The following GALK2 variants were observed in gnomAD, a reference collection of about 807,000 sequenced individuals.
GALK2 encodes the protein N-acetylgalactosamine kinase.
In GALK2, 36 loss-of-function variants were observed where a neutral mutation model predicts 52.4. The observed-to-expected ratio is 0.69, with a 90% confidence interval of 0.53 to 0.91. The LOEUF is 0.91. Ranked by LOEUF, GALK2 falls within the 40% of genes least tolerant of loss-of-function variation. The pLI is 0.00. For synonymous variants in GALK2, 176 were observed against 199.1 expected (o/e 0.88, Z 0.98); for missense variants, 579 against 559.1 (o/e 1.04, Z -0.36).
At position 49,253,297 on chromosome 15, in the gene GALK2, C is replaced by T. The variant is rs1160046768; in HGVS notation, c.504+13930C>T. Among the ~76,000 whole-genome samples the T allele has an allele frequency of 1.4e-5, 2 of 142,508 alleles. 1 individual carries two copies. The highest frequency in any genetic ancestry group is 3.2e-5 in the Non-Finnish European group (2 of 63,362). 93.5% of individuals were successfully genotyped at this position (142,508 alleles called of 152,430 possible). A position where few individuals can be genotyped will look rare whatever the true frequency, so the allele number is the denominator to read the frequency against. Reference sequence around the variant, plus strand: ...CTCAGGGATTTTACTTAGCATCTCTCAGGAGATCTCCACTAAATGGATCCC... The same window carrying T: ...CTCAGGGATTTTACTTAGCATCTCTTAGGAGATCTCCACTAAATGGATCCC... On this transcript the variant is annotated intron_variant, in intron 5 of 9. Coordinates refer to ENST00000560031, the MANE Select transcript of GALK2 (RefSeq NM_002044.4).
At chr15:49,294,727 A>ATAAATAAT (rs2141834699) in intron 8 of GALK2, among the ~76,000 whole-genome samples, 1 of 152,330 alleles carries the variant, frequency 6.6e-6, no homozygotes, top group African/African-American at 2.4e-5. Context: ...AACAATCACA[A>ATAAATAAT]TAAATAATAC....
chr15:49,238,578 A>C (rs1324455168), intron 4 of GALK2, among the ~76,000 whole-genome samples: 1 of 152,178 alleles, frequency 6.6e-6, no homozygotes, highest in Non-Finnish European at 1.5e-5. Context: ...TGCAGTGGAA[A>C]AGTTTTCAAA....
chr15:49,262,880 T>G (rs1333216201), intron 5 of GALK2, among the ~76,000 whole-genome samples: 1 of 143,256 alleles, frequency 7.0e-6, no homozygotes, highest in Non-Finnish European at 1.5e-5. Context: ...TGAGCAGTTT[T>G]GAGTGAGATT....
chr15:49,272,981 C>G (rs1242771925), intron 5 of GALK2, among the ~76,000 whole-genome samples: 1 of 152,194 alleles, frequency 6.6e-6, no homozygotes, highest in Non-Finnish European at 1.5e-5. Flanking sequence ...CTTCTGCCCT[C>G]ACTGAGCACC....
At chr15:49,225,094 G>T in intron 3 of GALK2, 1 of 404,088 alleles carries the variant, frequency 2.5e-6, no homozygotes, top group African/African-American at 2.1e-5. Context: ...TGCAGTAGTG[G>T]TCTATAGTGG....
chr15:49,255,866 A>G (rs1439822164), intron 5 of GALK2, among the ~76,000 whole-genome samples: 1 of 152,082 alleles, frequency 6.6e-6, no homozygotes, highest in Non-Finnish European at 1.5e-5. Flanking sequence ...AAAATCACAA[A>G]TTCTCAATTT....
chr15:49,191,083 A>T (rs2086689769), intron 1 of GALK2, among the ~76,000 whole-genome samples: 1 of 152,176 alleles, frequency 6.6e-6, no homozygotes, highest in Non-Finnish European at 1.5e-5. Flanking sequence ...AAGTGTTCCA[A>T]TGGGCTAAAC....
intron 1 of GALK2, among the ~76,000 whole-genome samples, chr15:49,190,832 C>T (rs1165814907): frequency 6.6e-6 from 1 of 152,154 alleles, no homozygotes; most frequent in Admixed American, 6.5e-5. Flanking sequence ...TATGTCACTT[C>T]TGATTTCTGT....
intron 8 of GALK2, among the ~76,000 whole-genome samples, chr15:49,311,330 A>G (rs148160998): frequency 6.6e-6 from 1 of 152,358 alleles, no homozygotes; most frequent in Non-Finnish European, 1.5e-5. Flanking sequence ...AGAACCACTT[A>G]TCTGCAGGAT....
intron 2 of GALK2, 28 bp from the exon 3 acceptor site, chr15:49,217,162 G>GAAC (rs1176238003): frequency 2.5e-6 from 4 of 1,590,216 alleles, no homozygotes; most frequent in Non-Finnish European, 3.4e-6. Context: ...TATTAGCAAT[G>GAAC]ATTAAAAAAG....
rs548813200 is a variant in GALK2 at position 49,357,574 on chromosome 15, G to T, written c.427-9917G>T. On this transcript the variant is annotated intron_variant, in intron 3 of 3. Transcript: ENST00000558399. Reference sequence around the variant, plus strand: ...ATCTCTGAACAGACCAATAACAGGAGCTGAAATTGTGGCAATAATCAATAG... The same window carrying T: ...ATCTCTGAACAGACCAATAACAGGATCTGAAATTGTGGCAATAATCAATAG... 1.2e-3 allele frequency among the ~76,000 whole-genome samples: 175 copies of T among 151,420 alleles called. 1 individual carries two copies. The highest frequency in any genetic ancestry group is 3.8e-3 in the African/African-American group (159 of 41,426).
intron 1 of GALK2, among the ~76,000 whole-genome samples, chr15:49,158,184 AT>A (rs1255331349): frequency 6.6e-6 from 1 of 152,160 alleles, no homozygotes; most frequent in East Asian, 1.9e-4. Flanking sequence ...TATTGGGGTT[AT>A]CAGTGTGCTT....
At chr15:49,338,259 G>A (rs934860823) in intron 3 of GALK2, among the ~76,000 whole-genome samples, 12 of 152,230 alleles carry the variant, frequency 7.9e-5, no homozygotes, top group East Asian at 5.8e-4. Context: ...TTTTTGCAGT[G>A]CCTGGTACCG....
intron 9 of GALK2, among the ~76,000 whole-genome samples, chr15:49,324,758 C>A (rs2037195377): frequency 1.3e-5 from 2 of 151,970 alleles, no homozygotes; most frequent in Admixed American, 1.3e-4. Context: ...CTGCTGACTG[C>A]TTATATTATA....
upstream of GALK2, chr15:49,170,045 G>C (rs888397825): frequency 2.0e-6 from 1 of 502,506 alleles, no homozygotes; most frequent in Admixed American, 3.4e-5. Context: ...TCTGCGCAGG[G>C]GCTCCTGCGA....
intron 2 of GALK2, among the ~76,000 whole-genome samples, chr15:49,216,166 A>G (rs79452929): frequency 0.25 from 37,696 of 151,942 alleles, 4,958 homozygotes; most frequent in African/African-American, 0.31. Context: ...GCACTGTGCT[A>G]GGTCACACCT....
intron 3 of GALK2, among the ~76,000 whole-genome samples, chr15:49,228,683 A>C (rs1206748773): frequency 7.1e-5 from 1 of 14,080 alleles, no homozygotes; most frequent in Non-Finnish European, 1.3e-4. Context: ...ATATATATAT[A>C]TATATTTTTT....
chr15:49,295,678 G>A (rs562840534), intron 8 of GALK2, among the ~76,000 whole-genome samples: 3 of 152,098 alleles, frequency 2.0e-5, no homozygotes, highest in Non-Finnish European at 4.4e-5. Context: ...GTGTTACCTT[G>A]GTTGGACCAT....
At chr15:49,325,676 T>C (rs1387207128) in intron 9 of GALK2, among the ~76,000 whole-genome samples, 1 of 152,222 alleles carries the variant, frequency 6.6e-6, no homozygotes, top group Non-Finnish European at 1.5e-5. Flanking sequence ...TGCCACTGAC[T>C]TGGGGGCAGA....
Sources: allele counts gnomAD v4.1 joint callset (sites outside exome capture counted in the v4.1 genomes callset), GRCh38; gene constraint gnomAD v4.1.1; transcripts MANE v1.5; gene names NCBI Gene and HGNC (gene_info 2026-07-23, HGNC 2026-07-21).